RAD51B: variants seen among roughly 807,000 people sequenced by gnomAD.
RAD51B encodes DNA repair protein RAD51 homolog 2.
Under a neutral mutation model 42.2 loss-of-function variants are expected in RAD51B, and 38 were observed. The observed-to-expected ratio is 0.90, with a 90% CI of 0.70 to 1.18. The LOEUF (loss-of-function observed/expected upper bound fraction) is 1.18, where lower values mean the gene tolerates loss of function less well. RAD51B is among the 50% of genes most tolerant of loss of function. RAD51B has a pLI of 0.00. For synonymous variants in RAD51B, 154 were observed against 145.2 expected (o/e 1.06, Z -0.43); for missense variants, 373 against 400.7 (o/e 0.93, Z 0.59).
At chr14:67,823,323 T>C (rs1045093935) in intron 1 of RAD51B, among the ~76,000 whole-genome samples, 1 of 152,194 alleles carries the variant, frequency 6.6e-6, no homozygotes, top group African/African-American at 2.4e-5. Flanking sequence ...AGATTTTCTA[T>C]GTGCCTGTTT....
chr14:68,054,643 A>C (rs919012512), intron 7 of RAD51B, among the ~76,000 whole-genome samples: 5 of 152,220 alleles, frequency 3.3e-5, no homozygotes, highest in Non-Finnish European at 7.3e-5. Flanking sequence ...ATCTTTAAAA[A>C]GGAATCCTGT....
At chr14:68,528,593 G>A (rs1173777640) in intron 10 of RAD51B, among the ~76,000 whole-genome samples, 1 of 152,186 alleles carries the variant, frequency 6.6e-6, no homozygotes, top group Non-Finnish European at 1.5e-5. Context: ...GCAAGAAAGA[G>A]AAAGCTCTGA....
At chr14:68,273,082 A>G (rs903370090) in intron 7 of RAD51B, among the ~76,000 whole-genome samples, 2 of 152,114 alleles carry the variant, frequency 1.3e-5, no homozygotes, top group African/African-American at 2.4e-5. Flanking sequence ...CTTTGCTTGA[A>G]AAGAGCCACG....
chr14:68,323,995 C>G (rs960075475), intron 8 of RAD51B, among the ~76,000 whole-genome samples: 2 of 152,130 alleles, frequency 1.3e-5, no homozygotes, highest in Admixed American at 1.3e-4. Flanking sequence ...AAAAGACAGC[C>G]AAGAACAGTA....
intron 7 of RAD51B, among the ~76,000 whole-genome samples, chr14:67,967,390 C>G (rs1398958930): frequency 6.6e-6 from 1 of 152,174 alleles, no homozygotes; most frequent in East Asian, 1.9e-4. Context: ...TAACTCATTT[C>G]AGCATTAACT....
intron 4 of RAD51B, among the ~76,000 whole-genome samples, chr14:67,849,375 G>T (rs568679036): frequency 6.6e-6 from 1 of 151,936 alleles, no homozygotes; most frequent in East Asian, 1.9e-4. Flanking sequence ...TTCACCTCCC[G>T]GGTTCAAGCA....
At chr14:68,138,985 G>A (rs888858076) in intron 7 of RAD51B, among the ~76,000 whole-genome samples, 1 of 152,122 alleles carries the variant, frequency 6.6e-6, no homozygotes, top group Non-Finnish European at 1.5e-5. Context: ...TACTATGGAA[G>A]AACCTGCCTC....
At chr14:68,488,454 TTGC>T (rs983420412) in intron 10 of RAD51B, among the ~76,000 whole-genome samples, 1 of 152,160 alleles carries the variant, frequency 6.6e-6, no homozygotes, top group Non-Finnish European at 1.5e-5. Flanking sequence ...TGTCCTTGGC[TTGC>T]TTAGTCCAGT....
intron 7 of RAD51B, among the ~76,000 whole-genome samples, chr14:67,912,936 C>CCTTGTAAT (rs927925158): frequency 2.0e-5 from 3 of 152,116 alleles, no homozygotes; most frequent in African/African-American, 7.2e-5. Flanking sequence ...GAACTCCTGA[C>CCTTGTAAT]CTTGTAATCT....
At chr14:68,513,541 A>G (rs1415038432) in intron 10 of RAD51B, among the ~76,000 whole-genome samples, 1 of 152,238 alleles carries the variant, frequency 6.6e-6, no homozygotes, top group Non-Finnish European at 1.5e-5. Context: ...CGGAAGAAGC[A>G]GACTCAAATA....
In RAD51B at chr14:68,477,883, T is replaced by C; in HGVS notation, c.*219T>C. ...AGAAGCCTTTGTTCAGGTCTCTAGATGTGTAGGGCTGAGGGCTTTGCCGCC... is the reference window on the plus strand; with the variant it reads ...AGAAGCCTTTGTTCAGGTCTCTAGACGTGTAGGGCTGAGGGCTTTGCCGCC... On this transcript the variant is annotated 3_prime_UTR_variant, in exon 11 of 11. Transcript: ENST00000471583. 2 of 1,371,914 alleles carry C rather than the reference T, an allele frequency of 1.5e-6. No homozygotes were observed. The highest frequency in any genetic ancestry group is 1.9e-5 in the South Asian group (1 of 53,058). The allele number at this position is 1,371,914 out of a possible 1,614,324, so 85.0% of individuals were successfully genotyped here.
At chr14:68,065,167 G>C (rs1684977700) in intron 7 of RAD51B, among the ~76,000 whole-genome samples, 1 of 152,130 alleles carries the variant, frequency 6.6e-6, no homozygotes, top group African/African-American at 2.4e-5. Context: ...GGTGGGGTAT[G>C]TTGCTTTGTT....
chr14:68,362,396 T>C (rs538502982), intron 8 of RAD51B, among the ~76,000 whole-genome samples: 1 of 152,350 alleles, frequency 6.6e-6, no homozygotes, highest in East Asian at 1.9e-4. Context: ...CTAATTTTCA[T>C]AGCAATCTGA....
At chr14:67,847,372 AAATTGTT>A (rs2041656969) in intron 4 of RAD51B, among the ~76,000 whole-genome samples, 1 of 116,812 alleles carries the variant, frequency 8.6e-6, no homozygotes, top group Non-Finnish European at 1.8e-5. Context: ...GTGCAAAGTT[AAATTGTT>A]AATTTGAAAT....
intron 10 of RAD51B, among the ~76,000 whole-genome samples, chr14:68,571,776 G>T (rs1317782386): frequency 7.1e-6 from 1 of 140,894 alleles, no homozygotes; most frequent in Non-Finnish European, 1.5e-5. Flanking sequence ...TTCAGTTATT[G>T]GTTGTTTGGT....
At chr14:67,989,564 G>A (rs751211847) in intron 7 of RAD51B, among the ~76,000 whole-genome samples, 2 of 149,986 alleles carry the variant, frequency 1.3e-5, no homozygotes, top group Non-Finnish European at 3.0e-5. Context: ...CTTGAACCTG[G>A]GAGGTGGTTG....
In RAD51B at chr14:68,223,671, A is replaced by G. The variant is rs544566115; in HGVS notation, c.757-68213A>G. Among the ~76,000 whole-genome samples the G allele has an allele frequency of 1.3e-5, 2 of 151,586 alleles. 1 individual carries two copies. The highest frequency in any genetic ancestry group is 4.2e-4 in the South Asian group (2 of 4,796). On this transcript the variant is annotated intron_variant, in intron 7 of 10. Transcript: ENST00000471583. ...CATTTTCTTTCTCCCTTGTTAACAA[A>G]TTTTTTAAAATATTTTTTAAAAGGA...
At chr14:68,069,246 G>T (rs1364755731) in intron 7 of RAD51B, among the ~76,000 whole-genome samples, 1 of 152,066 alleles carries the variant, frequency 6.6e-6, no homozygotes, top group Non-Finnish European at 1.5e-5. Context: ...TATATTTAGA[G>T]GTGCTTTGGT....
chr14:68,014,592 T>G (rs1268621941), intron 7 of RAD51B, among the ~76,000 whole-genome samples: 1 of 152,092 alleles, frequency 6.6e-6, no homozygotes, highest in Non-Finnish European at 1.5e-5. Flanking sequence ...ATTTTGGGTA[T>G]TCTTTAAAAA....
Sources: gnomAD v4.1 joint callset for allele counts (sites outside exome capture counted in the v4.1 genomes callset) on GRCh38, gnomAD v4.1.1 for gene constraint, MANE v1.5 for transcripts, NCBI Gene and HGNC (gene_info 2026-07-23, HGNC 2026-07-21) for gene names.